Variants in DDX17 observed in about 807,000 individuals in gnomAD.
The protein encoded by DDX17 is DEAD-box helicase 17.
A neutral mutation model predicts 80.8 loss-of-function variants in DDX17; 10 were observed. That is an observed-to-expected ratio of 0.12 (90% CI 0.08 to 0.21). DDX17 has a LOEUF of 0.21. DDX17 is among the 10% of genes least tolerant of loss of function. The probability of loss-of-function intolerance (pLI) is 1.00; values close to 1 mark genes in which losing one functional copy is unlikely to be tolerated. For synonymous variants in DDX17, 339 were observed against 336.2 expected, an observed-to-expected ratio of 1.01 and a Z score of -0.09; for missense variants, 586 against 957.4, an observed-to-expected ratio of 0.61 and a Z score of 5.12.
rs529926016 is a variant in DDX17 at position 38,489,344 on chromosome 22, G to T, written c.1448-1229C>A. ...CCTTCTGACACGGGACCACTGGAGC[G>T]CGGGGAGCATGCATCAAGGGTCCGT... On this transcript the variant is annotated intron_variant, in intron 11 of 12. Transcript: ENST00000403230. This position sits in a 1 kb window ranked among gnomAD's most constrained non-coding sequence, Gnocchi z 4.6. 2 of 985,674 alleles carry T rather than the reference G, an allele frequency of 2.0e-6. No homozygotes were observed. Among genetic ancestry groups the T allele is most frequent in the Non-Finnish European group, 2.4e-6 (2 of 829,930 alleles). The allele number at this position is 985,674 out of a possible 1,614,324, so 61.1% of individuals were successfully genotyped here.
chr22:38,490,853 G>T, intron 11 of DDX17: 1 of 177,704 alleles, frequency 5.6e-6, no homozygotes, highest in Non-Finnish European at 1.2e-5. Flanking sequence ...CCCTCACTTG[G>T]ATGAGTGGGG....
chr22:38,493,595 ATACT>A (rs2089733590), intron 10 of DDX17, 111 bp downstream of exon 10: 3 of 800,336 alleles, frequency 3.7e-6, no homozygotes, highest in Non-Finnish European at 6.3e-6. Flanking sequence ...AAAGCCAAGC[ATACT>A]TACTATGTGG....
intron 11 of DDX17, chr22:38,491,477 T>C (rs1425272785): frequency 2.0e-5 from 3 of 152,162 alleles, no homozygotes; most frequent in African/African-American, 4.8e-5. Context: ...CACCTACAGA[T>C]AAGTGCATGG....
In DDX17 at chr22:38,506,291, C is replaced by T; in HGVS notation, c.-54G>A. The T allele has an allele frequency of 4.0e-6, 6 of 1,501,632 alleles. No homozygotes were observed. The highest frequency in any genetic ancestry group is 5.3e-6 in the Non-Finnish European group (6 of 1,127,250). The allele number at this position is 1,501,632 out of a possible 1,614,324, so 93.0% of individuals were successfully genotyped here. On this transcript the variant is annotated 5_prime_UTR_variant, in exon 1 of 13. Coordinates refer to ENST00000403230, the MANE Select transcript of DDX17 (RefSeq NM_006386.5). ...CGCGGTTTAGGCGTCTCCTTCCTTC[C>T]CAGCGACTGCACAAAATGGCGGCCG...
At chr22:38,488,430 T>G in intron 11 of DDX17, 1 of 1,222,194 alleles carries the variant, frequency 8.2e-7, no homozygotes, top group Non-Finnish European at 1.0e-6. Flanking sequence ...ACACCAATAT[T>G]GGTCTTCAGA....
chr22:38,489,410 G>A lies in DDX17; in HGVS notation c.1448-1295C>T. ...CCACACACGCTCGCTCTGTGAACTGGCTTAGATGCTTCTCTGTAGCCCCAT... is the reference window on the plus strand; with the variant it reads ...CCACACACGCTCGCTCTGTGAACTGACTTAGATGCTTCTCTGTAGCCCCAT... On this transcript the variant is annotated intron_variant, in intron 11 of 12. Coordinates refer to ENST00000403230, the MANE Select transcript of DDX17 (RefSeq NM_006386.5). The surrounding 1 kb of genome is among the most constrained non-coding windows in gnomAD (Gnocchi z 4.6). The A allele has an allele frequency of 1.0e-6, 1 of 985,788 alleles. No homozygotes were observed. The highest frequency in any genetic ancestry group is 1.2e-6 in the Non-Finnish European group (1 of 829,942). The allele number at this position is 985,788 out of a possible 1,614,324, so 61.1% of individuals were successfully genotyped here. A position where few individuals can be genotyped will look rare whatever the true frequency, so the allele number is the denominator to read the frequency against.
rs1412594707 is a variant in DDX17, at chr22:38,494,149, A to G, written c.1215-18T>C. 10 of 1,523,142 alleles carry G rather than the reference A, an allele frequency of 6.6e-6. No individual in the cohort carries two copies. The highest frequency in any genetic ancestry group is 9.1e-6 in the Non-Finnish European group (10 of 1,098,400). 94.4% of individuals were successfully genotyped at this position (1,523,142 alleles called of 1,614,324 possible). ...GGATCAACCTGAAAACATGACCAACAATGCAGTCATCACACAGAAAGTTAT... is the reference window on the plus strand; with the variant it reads ...GGATCAACCTGAAAACATGACCAACGATGCAGTCATCACACAGAAAGTTAT... On this transcript the variant is annotated intron_variant, in intron 8 of 12. Transcript: ENST00000403230.
At chr22:38,487,576 G>A (rs1201862399) in intron 12 of DDX17, among the ~76,000 whole-genome samples, 7 of 152,228 alleles carry the variant, frequency 4.6e-5, no homozygotes, top group Admixed American at 3.3e-4. Context: ...CTGAGATCGC[G>A]CCATTGCACT....
intron 2 of DDX17, among the ~76,000 whole-genome samples, chr22:38,500,876 ATCC>A (rs1196143358): frequency 6.8e-6 from 1 of 146,100 alleles, no homozygotes; most frequent in African/African-American, 2.5e-5. Context: ...CACGCCTGTA[ATCC>A]TAGCACTTTG....
rs1209022945 is a variant in DDX17 at position 38,484,785 on chromosome 22, G to A, written c.*1150C>T. 3 of 152,200 alleles carry A rather than the reference G, an allele frequency of 2.0e-5. No individual in the cohort carries two copies. The highest frequency in any genetic ancestry group is 4.4e-5 in the Non-Finnish European group (3 of 68,046). The allele number at this position is 152,200 out of a possible 1,614,324, so 9.4% of individuals were successfully genotyped here. A position where few individuals can be genotyped will look rare whatever the true frequency, so the allele number is the denominator to read the frequency against. On this transcript the variant is annotated 3_prime_UTR_variant, in exon 13 of 13. Transcript: ENST00000403230. ...CTTAAGCACTACCTACCTGTAATAA[G>A]CTGAGTGCAAAAGGATGCCGAAGAA...
rs2089762954 is a variant in DDX17, at chr22:38,496,039, GTCTAA to G, written c.739-107_739-103del. The G allele has an allele frequency of 9.2e-6, 10 of 1,092,714 alleles. No individual in the cohort carries two copies. The South Asian group carries it at 2.4e-4, about 26-fold the overall frequency. 67.7% of individuals were successfully genotyped at this position (1,092,714 alleles called of 1,614,324 possible). ...CAAAAAGCTAATTTAATTCTTTGCT[GTCTAA>G]TCTAGCACATTAAAAGTGATGGGGT... On this transcript the variant is annotated intron_variant, in intron 5 of 12. Coordinates refer to ENST00000403230, the MANE Select transcript of DDX17 (RefSeq NM_006386.5).
At chr22:38,493,903 A>G (rs916874397) in intron 9 of DDX17, 118 bp downstream of exon 9, 3 of 1,222,426 alleles carry the variant, frequency 2.5e-6, no homozygotes, top group East Asian at 2.3e-5. Context: ...GTGCTCATTA[A>G]AAGAGCAAAC....
chr22:38,489,212 C>T lies in DDX17; in HGVS notation c.1448-1097G>A, dbSNP rs2089690899. The T allele has an allele frequency of 8.1e-6, 8 of 985,786 alleles. No individual in the cohort carries two copies. Among genetic ancestry groups the T allele is most frequent in the Non-Finnish European group, 9.6e-6 (8 of 829,906 alleles). The allele number at this position is 985,786 out of a possible 1,614,324, so 61.1% of individuals were successfully genotyped here. On this transcript the variant is annotated intron_variant, in intron 11 of 12. Transcript: ENST00000403230. The surrounding 1 kb of genome is among the most constrained non-coding windows in gnomAD (Gnocchi z 4.6). The stretch of plus-strand genomic sequence containing the variant: ...GATATAAATAATTAAAAAACATTCT[C>T]TGTTTGTTACCAGACCGATGCACAC...
chr22:38,494,373 C>T, intron 8 of DDX17: 2 of 588,448 alleles, frequency 3.4e-6, no homozygotes, highest in South Asian at 4.4e-5. Flanking sequence ...GAAGAAACTG[C>T]AGCACCAAGA....
At chr22:38,496,088 A>G (rs935663959) in intron 5 of DDX17, 151 bp from the exon 6 acceptor site, 1 of 645,890 alleles carries the variant, frequency 1.5e-6, no homozygotes, top group East Asian at 3.1e-5. Flanking sequence ...GAAGTGGGGA[A>G]TATTAGCACA....
In DDX17 at chr22:38,487,805, A is replaced by G. The variant is rs150939818; in HGVS notation, c.1684+74T>C. 7.9e-5 allele frequency: 119 copies of G among 1,501,074 alleles called. No individual in the cohort carries two copies. In the African/African-American group the frequency reaches 1.4e-3, roughly 18 times the overall value. The allele number at this position is 1,501,074 out of a possible 1,614,324, so 93.0% of individuals were successfully genotyped here. A position where few individuals can be genotyped will look rare whatever the true frequency, so the allele number is the denominator to read the frequency against. On this transcript the variant is annotated intron_variant, in intron 12 of 12. Coordinates refer to ENST00000403230, the MANE Select transcript of DDX17 (RefSeq NM_006386.5). ...TACTTACAGCCTTCTTAAAAACAGCAACTAAAAGCAAGTCACAGAAGGCGT... is the reference window on the plus strand; with the variant it reads ...TACTTACAGCCTTCTTAAAAACAGCGACTAAAAGCAAGTCACAGAAGGCGT...
chr22:38,487,252 T>C (rs2089669442), intron 12 of DDX17, among the ~76,000 whole-genome samples: 1 of 151,912 alleles, frequency 6.6e-6, no homozygotes, highest in South Asian at 2.1e-4. Flanking sequence ...CTCAGCACTT[T>C]GGGAGGCCAA....
In DDX17 at chr22:38,489,827, G is replaced by A; in HGVS notation, c.1448-1712C>T. ...AACAAAGGAAAAAAGAATTTACAGG[G>A]CCAGGGTGGATGTAAGACAGGGGGT... is the stretch of plus-strand genomic sequence containing the variant. On this transcript the variant is annotated intron_variant, in intron 11 of 12. Transcript: ENST00000403230. This position sits in a 1 kb window ranked among gnomAD's most constrained non-coding sequence, Gnocchi z 4.6. 1 of 985,812 alleles carries A rather than the reference G, an allele frequency of 1.0e-6. No homozygotes were observed. Among genetic ancestry groups the A allele is most frequent in the Non-Finnish European group, 1.2e-6 (1 of 830,274 alleles). 61.1% of individuals were successfully genotyped at this position (985,812 alleles called of 1,614,324 possible). A position where few individuals can be genotyped will look rare whatever the true frequency, so the allele number is the denominator to read the frequency against.
chr22:38,506,270 G>C lies in DDX17; in HGVS notation c.-33C>G. 1 of 1,554,286 alleles carries C rather than the reference G, an allele frequency of 6.4e-7. No homozygotes were observed. Among genetic ancestry groups the C allele is most frequent in the Non-Finnish European group, 8.7e-7 (1 of 1,154,606 alleles). ...TACGCTCAAACCGGGCAGTGCCGCG[G>C]TTTAGGCGTCTCCTTCCTTCCCAGC... On this transcript the variant is annotated 5_prime_UTR_variant, in exon 1 of 13. Coordinates refer to ENST00000403230, the MANE Select transcript of DDX17 (RefSeq NM_006386.5).
Sources: allele counts gnomAD v4.1 joint callset (sites outside exome capture counted in the v4.1 genomes callset), GRCh38; gene constraint gnomAD v4.1.1; non-coding constraint Gnocchi (gnomAD v3.1); transcripts MANE v1.5; gene names NCBI Gene and HGNC (gene_info 2026-07-23, HGNC 2026-07-21).